The following ARHGAP42 variants were observed in gnomAD, a reference collection of about 807,000 sequenced individuals.
The protein encoded by ARHGAP42 is rho GTPase-activating protein 42.
In ARHGAP42, 63 loss-of-function variants were observed where a neutral mutation model predicts 125.0. The observed-to-expected ratio is 0.50, with a 90% CI of 0.41 to 0.62. The LOEUF is 0.62. ARHGAP42 is among the 20% of genes least tolerant of loss of function. ARHGAP42 has a pLI of 0.00. For synonymous variants in ARHGAP42, 339 were observed against 351.0 expected, an observed-to-expected ratio of 0.97 and a Z score of 0.38; for missense variants, 766 against 1,024.2, an observed-to-expected ratio of 0.75 and a Z score of 3.44.
chr11:100,728,756 A>G (rs1438934472), intron 1 of ARHGAP42, among the ~76,000 whole-genome samples: 2 of 105,100 alleles, frequency 1.9e-5, no homozygotes, highest in Admixed American at 9.9e-5. Context: ...ATATATATAT[A>G]TGCACACTTT....
chr11:100,852,655 G>C (rs1865231551), intron 3 of ARHGAP42, among the ~76,000 whole-genome samples: 1 of 152,304 alleles, frequency 6.6e-6, no homozygotes, highest in South Asian at 2.1e-4. Context: ...AATTAGCTCA[G>C]CTTGGGATGT....
chr11:100,825,432 G>A (rs1318866129), intron 3 of ARHGAP42, among the ~76,000 whole-genome samples: 1 of 152,030 alleles, frequency 6.6e-6, no homozygotes, highest in Non-Finnish European at 1.5e-5. Flanking sequence ...AACCTTTAAT[G>A]GCATTAAATA....
At chr11:100,880,959 ATTTG>A (rs1865946870) in intron 4 of ARHGAP42, among the ~76,000 whole-genome samples, 1 of 151,396 alleles carries the variant, frequency 6.6e-6, no homozygotes, top group African/African-American at 2.4e-5. Flanking sequence ...TTTCTTGCTA[ATTTG>A]TTTGACTTCA....
chr11:100,973,961 C>G (rs957181985), intron 18 of ARHGAP42, among the ~76,000 whole-genome samples: 2 of 152,140 alleles, frequency 1.3e-5, no homozygotes, highest in Non-Finnish European at 2.9e-5. Context: ...TAGTGTCTAT[C>G]TAAGGGCACA....
intron 23 of ARHGAP42, among the ~76,000 whole-genome samples, chr11:100,988,422 A>G (rs1858742153): frequency 6.6e-6 from 1 of 152,232 alleles, no homozygotes; most frequent in East Asian, 1.9e-4. Flanking sequence ...TTTTAAAAAT[A>G]TATAGTATAA....
chr11:100,860,637 A>G (rs2135142387), intron 4 of ARHGAP42, among the ~76,000 whole-genome samples: 1 of 152,152 alleles, frequency 6.6e-6, no homozygotes, highest in East Asian at 1.9e-4. Flanking sequence ...TACTTTTTGA[A>G]GTCTTGCCAG....
chr11:100,744,275 C>T (rs112821895), intron 1 of ARHGAP42, among the ~76,000 whole-genome samples: 3,964 of 152,286 alleles, frequency 0.026, 68 homozygotes, highest in Non-Finnish European at 0.031. Context: ...AGTGAAAATT[C>T]TTTATTTATA....
intron 13 of ARHGAP42, among the ~76,000 whole-genome samples, chr11:100,960,174 C>T (rs1388389654): frequency 6.6e-6 from 1 of 151,860 alleles, no homozygotes; most frequent in African/African-American, 2.4e-5. Flanking sequence ...CTAATACAGC[C>T]TCACTATACT....
At chr11:100,701,504 T>C (rs1861396246) in intron 1 of ARHGAP42, among the ~76,000 whole-genome samples, 2 of 152,268 alleles carry the variant, frequency 1.3e-5, no homozygotes, top group African/African-American at 4.8e-5. Context: ...TACTCTTAGC[T>C]AGATCTTCTA....
At chr11:100,966,077 C>G (rs1768207727) in intron 17 of ARHGAP42, among the ~76,000 whole-genome samples, 1 of 151,646 alleles carries the variant, frequency 6.6e-6, no homozygotes, top group African/African-American at 2.4e-5. Context: ...TTTTTCCTCC[C>G]AATTCTTTTA....
At chr11:100,863,980 AC>A in intron 4 of ARHGAP42, among the ~76,000 whole-genome samples, 1 of 152,290 alleles carries the variant, frequency 6.6e-6, no homozygotes, top group East Asian at 1.9e-4. Context: ...TTTTGCATCA[AC>A]CAAATAATAT....
chr11:100,822,992 C>T (rs752748809), intron 3 of ARHGAP42, among the ~76,000 whole-genome samples: 5 of 152,120 alleles, frequency 3.3e-5, no homozygotes, highest in Non-Finnish European at 7.4e-5. Context: ...GAGGAGCCTG[C>T]CACCCAGACA....
chr11:100,748,311 C>G (rs1323866502), intron 1 of ARHGAP42, among the ~76,000 whole-genome samples: 1 of 152,176 alleles, frequency 6.6e-6, no homozygotes, highest in Non-Finnish European at 1.5e-5. Context: ...ATTTTCCTAA[C>G]AGAGCTTCTA....
At chr11:100,737,274 A>G (rs112995076) in intron 1 of ARHGAP42, among the ~76,000 whole-genome samples, 3,958 of 152,316 alleles carry the variant, frequency 0.026, 68 homozygotes, top group Non-Finnish European at 0.031. Context: ...TTCCATTCCC[A>G]CATGAATACA....
At chr11:100,790,594 T>A (rs1246568196) in intron 2 of ARHGAP42, among the ~76,000 whole-genome samples, 1 of 152,196 alleles carries the variant, frequency 6.6e-6, no homozygotes, top group Non-Finnish European at 1.5e-5. Context: ...TCCCAAAGTG[T>A]CCGGCCTATC....
intron 4 of ARHGAP42, among the ~76,000 whole-genome samples, chr11:100,884,683 C>T (rs564786818): frequency 1.3e-5 from 2 of 152,054 alleles, no homozygotes; most frequent in South Asian, 2.1e-4. Flanking sequence ...CCGTGTCCCC[C>T]CAACCCCGTC....
intron 4 of ARHGAP42, among the ~76,000 whole-genome samples, chr11:100,897,676 T>G (rs1034452174): frequency 2.0e-5 from 3 of 152,228 alleles, no homozygotes; most frequent in African/African-American, 7.2e-5. Flanking sequence ...CTTGTGATTT[T>G]TGCACATTGA....
At chr11:100,947,978 A>G (rs553700100) in intron 10 of ARHGAP42, among the ~76,000 whole-genome samples, 1 of 152,068 alleles carries the variant, frequency 6.6e-6, no homozygotes, top group Admixed American at 6.6e-5. Flanking sequence ...TGGTACAGAG[A>G]AATGCTTTGG....
intron 1 of ARHGAP42, among the ~76,000 whole-genome samples, chr11:100,751,635 C>T (rs1862460352): frequency 6.6e-6 from 1 of 151,736 alleles, no homozygotes; most frequent in Admixed American, 6.6e-5. Flanking sequence ...CTGGGAAAGC[C>T]CTCACTGAAA....
Sources: allele counts gnomAD v4.1 joint callset (sites outside exome capture counted in the v4.1 genomes callset), GRCh38; gene constraint gnomAD v4.1.1; transcripts MANE v1.5; gene names NCBI Gene and HGNC (gene_info 2026-07-23, HGNC 2026-07-21).